The following SEMA6D variants were observed in gnomAD, a reference collection of about 807,000 sequenced individuals.
SEMA6D encodes the protein semaphorin 6D.
SEMA6D carries 35 observed loss-of-function variants against 106.6 expected under a neutral mutation model. The ratio of observed to expected loss-of-function variants is 0.33; its 90% CI spans 0.25 to 0.44. SEMA6D has a LOEUF of 0.44. SEMA6D is among the 20% of genes least tolerant of loss of function. The pLI is 1.00. For missense variants in SEMA6D, 1,185 were observed against 1,345.9 expected, an observed-to-expected ratio of 0.88 and a Z score of 1.87; for synonymous variants, 499 against 487.7, an observed-to-expected ratio of 1.02 and a Z score of -0.31.
At chr15:47,214,993 G>A (rs2030426576) in intron 1 of SEMA6D, among the ~76,000 whole-genome samples, 2 of 151,594 alleles carry the variant, frequency 1.3e-5, no homozygotes, top group Non-Finnish European at 2.9e-5. Context: ...GAATGAGCAT[G>A]ATCTGTCTAT....
chr15:47,231,441 A>G (rs768448410), intron 1 of SEMA6D, among the ~76,000 whole-genome samples: 7 of 151,890 alleles, frequency 4.6e-5, no homozygotes, highest in Non-Finnish European at 8.8e-5. Context: ...GCAGGTCGTT[A>G]TCCAAAGAGC....
intron 4 of SEMA6D, among the ~76,000 whole-genome samples, chr15:47,698,579 A>G (rs1019268651): frequency 6.6e-6 from 1 of 152,160 alleles, no homozygotes; most frequent in Non-Finnish European, 1.5e-5. Context: ...TATAAACTTG[A>G]TTATTCCCTT....
Position 47,765,989 on chromosome 15 carries a change from G to A in SEMA6D, c.1548G>A (p.Glu516=). ...CIIRIPLSRC[E]RYGSCKKSCI... is the part of the protein sequence containing the mutation. ...TCCGCATCCCCCTCAGTCGCTGTGA[G>A]CGTTATGGATCATGTAAAAAGTAAG... The change falls in exon 14 of 19, where the codon GAG becomes GAA. Residue 516 remains glutamate (E), a synonymous_variant. Transcript: ENST00000536845. 1.9e-6 allele frequency: 3 copies of A among 1,599,214 alleles called. No individual in the cohort carries two copies. The highest frequency in any genetic ancestry group is 1.7e-4 in the Middle Eastern group (1 of 5,978).
rs746420427 is a variant in SEMA6D, at chr15:47,772,346, T to TTGTGTGTGTGTGTG, written c.*571_*572insTGTGTGTGTGTGTG. ...CTTTTTCATGCCACCAACAAACTTGTTGTGTGTGTGCGTGTGTGTGTGTGT... is the reference window on the plus strand; with the variant it reads ...CTTTTTCATGCCACCAACAAACTTGTTGTGTGTGTGTGTGTGTGTGTGTGCGTGTGTGTGTGTGT... On this transcript the variant is annotated 3_prime_UTR_variant, in exon 19 of 19. Coordinates refer to ENST00000536845, the MANE Select transcript of SEMA6D (RefSeq NM_001358351.3). 3 of 83,718 alleles carry TTGTGTGTGTGTGTG rather than the reference T, an allele frequency of 3.6e-5. No individual in the cohort carries two copies. The highest frequency in any genetic ancestry group is 1.7e-4 in the African/African-American group (3 of 17,648). 5.2% of individuals were successfully genotyped at this position (83,718 alleles called of 1,614,324 possible).
intron 1 of SEMA6D, among the ~76,000 whole-genome samples, chr15:47,264,521 C>T (rs955708611): frequency 9.2e-5 from 14 of 151,976 alleles, no homozygotes; most frequent in Admixed American, 9.2e-4. Flanking sequence ...CAGCAAGGTA[C>T]GAGAATTCTC....
At chr15:47,537,676 A>C (rs1372534351) in intron 3 of SEMA6D, among the ~76,000 whole-genome samples, 2 of 152,176 alleles carry the variant, frequency 1.3e-5, no homozygotes, top group Non-Finnish European at 2.9e-5. Flanking sequence ...TAGGAGATGG[A>C]ACAAATTTAA....
chr15:47,291,916 C>G (rs531283436), intron 1 of SEMA6D, among the ~76,000 whole-genome samples: 1 of 152,252 alleles, frequency 6.6e-6, no homozygotes, highest in East Asian at 1.9e-4. Context: ...CAAAGTTTGG[C>G]CTCTGTTCTC....
intron 3 of SEMA6D, among the ~76,000 whole-genome samples, chr15:47,583,120 A>G (rs1463640446): frequency 1.3e-5 from 2 of 152,158 alleles, no homozygotes; most frequent in Non-Finnish European, 2.9e-5. Flanking sequence ...CCTAGGATGT[A>G]CATCCCTTTG....
intron 1 of SEMA6D, among the ~76,000 whole-genome samples, chr15:47,217,226 G>A (rs1343596983): frequency 3.9e-5 from 6 of 152,160 alleles, no homozygotes; most frequent in Non-Finnish European, 8.8e-5. Flanking sequence ...CAGACATTAT[G>A]AATGGAGCTA....
In SEMA6D at chr15:47,227,320, T is replaced by C. The variant is rs560970771; in HGVS notation, c.-239+42902T>C. On this transcript the variant is annotated intron_variant, in intron 1 of 19. Coordinates refer to the SEMA6D transcript ENST00000558014. ...GATTGTCCAGATTAACTCTTTATGA[T>C]TATTGGAGAGCTGTTTCTGGTTTGC... Among the ~76,000 whole-genome samples, 142 of 152,104 alleles carry C rather than the reference T, an allele frequency of 9.3e-4. 7 individuals are homozygous for C. In the South Asian group the frequency reaches 0.028, roughly 30 times the overall value.
Position 47,770,809 on chromosome 15 carries a change from C to A in SEMA6D, c.2246C>A (p.Pro749Gln). 6.2e-7 allele frequency: 1 copy of A among 1,613,974 alleles called. No homozygotes were observed. The highest frequency in any genetic ancestry group is 1.3e-5 in the African/African-American group (1 of 75,036). Residue 749 changes from proline (P) to glutamine (Q), a missense_variant, in exon 19 of 19, where the codon CCA becomes CAA. Pro to Gln is a moderately conservative substitution (Grantham distance 76). Coordinates refer to ENST00000536845, the MANE Select transcript of SEMA6D (RefSeq NM_001358351.3). ...SNLLTSRKEL[P>Q]PNGDTKSMVM... The stretch of plus-strand genomic sequence containing the variant: ...CTGCTAACCAGTCGGAAAGAGCTAC[C>A]ACCCAATGGAGATACTAAATCCATG...
chr15:47,519,838 C>T (rs913007955), intron 3 of SEMA6D, among the ~76,000 whole-genome samples: 2 of 152,138 alleles, frequency 1.3e-5, no homozygotes, highest in Admixed American at 6.5e-5. Flanking sequence ...GATGTGAGGC[C>T]TATGAAGTTC....
chr15:47,305,252 C>T (rs1437294912), intron 1 of SEMA6D, among the ~76,000 whole-genome samples: 1 of 152,192 alleles, frequency 6.6e-6, no homozygotes, highest in Non-Finnish European at 1.5e-5. Flanking sequence ...AATTACTCTC[C>T]TTGGGTTGGT....
Position 47,666,820 on chromosome 15 carries a change from AAAGTGCTTTCCAAATTATCATCC to A in SEMA6D, c.-55+65925_-55+65947del, listed in dbSNP as rs145884160. Among the ~76,000 whole-genome samples the A allele has an allele frequency of 7.0e-4, 106 of 152,336 alleles. 1 individual carries two copies. Among genetic ancestry groups the A allele is most frequent in the African/African-American group, 2.6e-3 (106 of 41,564 alleles). ...AAATGTATTTTAAGTGTTTGAAAGA[AAAGTGCTTTCCAAATTATCATCC>A]CATGGCCTTCACATGGCTCTTACAC... On this transcript the variant is annotated intron_variant, in intron 4 of 19. Coordinates refer to the SEMA6D transcript ENST00000558014.
intron 1 of SEMA6D, among the ~76,000 whole-genome samples, chr15:47,361,269 A>T (rs551153781): frequency 4.6e-5 from 7 of 152,168 alleles, no homozygotes; most frequent in Non-Finnish European, 7.3e-5. Flanking sequence ...TGATAACGCC[A>T]TGGTTTCATT....
rs1305269583 is a variant in SEMA6D at position 47,772,534 on chromosome 15, G to A, written c.*749G>A. ...TCAGCTTTGAAAGAGGAATAGAATC[G>A]AGGCTCCTTTGACCATCAAAATGAT... On this transcript the variant is annotated 3_prime_UTR_variant, in exon 19 of 19. Coordinates refer to ENST00000536845, the MANE Select transcript of SEMA6D (RefSeq NM_001358351.3). The A allele has an allele frequency of 7.2e-5, 11 of 152,406 alleles. No homozygotes were observed. Among genetic ancestry groups the A allele is most frequent in the Admixed American group, 2.0e-4 (3 of 15,234 alleles). 9.4% of individuals were successfully genotyped at this position (152,406 alleles called of 1,614,324 possible). A position where few individuals can be genotyped will look rare whatever the true frequency, so the allele number is the denominator to read the frequency against.
At chr15:47,595,989 A>C (rs1245219803) in intron 3 of SEMA6D, among the ~76,000 whole-genome samples, 1 of 152,112 alleles carries the variant, frequency 6.6e-6, no homozygotes, top group Non-Finnish European at 1.5e-5. Context: ...TAAGTAAGAA[A>C]GTAGTGAAAT....
intron 1 of SEMA6D, among the ~76,000 whole-genome samples, chr15:47,310,180 G>A (rs1472726262): frequency 1.3e-5 from 2 of 152,200 alleles, no homozygotes; most frequent in Non-Finnish European, 2.9e-5. Flanking sequence ...CATGTGGTAA[G>A]TGTTTACTCA....
intron 1 of SEMA6D, among the ~76,000 whole-genome samples, chr15:47,190,491 A>G (rs1278360503): frequency 1.3e-5 from 2 of 152,206 alleles, no homozygotes; most frequent in Non-Finnish European, 2.9e-5. Flanking sequence ...ATGCAGTGAG[A>G]GAATTACAAT....
Sources: allele counts gnomAD v4.1 joint callset (sites outside exome capture counted in the v4.1 genomes callset), GRCh38; gene constraint gnomAD v4.1.1; transcripts MANE v1.5; gene names NCBI Gene and HGNC (gene_info 2026-07-23, HGNC 2026-07-21).